CTNNA3: variants seen among roughly 807,000 people sequenced by gnomAD.
CTNNA3 encodes the protein catenin alpha-3.
Under a neutral mutation model 95.7 loss-of-function variants are expected in CTNNA3, and 76 were observed. That is an observed-to-expected ratio of 0.79 (90% CI 0.66 to 0.96). The LOEUF (loss-of-function observed/expected upper bound fraction) is 0.96, where lower values mean the gene tolerates loss of function less well. CTNNA3 is among the 40% of genes least tolerant of loss of function. The pLI, the probability that CTNNA3 is intolerant of heterozygous loss-of-function variation, is 0.00. For synonymous variants in CTNNA3, 431 were observed against 374.4 expected (o/e 1.15, Z -1.74); for missense variants, 1,191 against 1,089.8 (o/e 1.09, Z -1.31).
intron 10 of CTNNA3, among the ~76,000 whole-genome samples, chr10:66,531,932 G>A (rs1046132831): frequency 2.0e-5 from 3 of 151,992 alleles, no homozygotes; most frequent in Non-Finnish European, 4.4e-5. Context: ...TTTAGAATTT[G>A]GAGTGGAAAA....
chr10:67,531,679 G>A (rs1449003298), intron 4 of CTNNA3, among the ~76,000 whole-genome samples: 1 of 152,130 alleles, frequency 6.6e-6, no homozygotes, highest in African/African-American at 2.4e-5. Context: ...AAGACTTTGG[G>A]GGAATGTTGA....
At chr10:66,788,927 C>T (rs1416335624) in intron 7 of CTNNA3, among the ~76,000 whole-genome samples, 9 of 152,150 alleles carry the variant, frequency 5.9e-5, no homozygotes, top group African/African-American at 1.9e-4. Context: ...ACAGACATGA[C>T]ATTTGGGGAT....
chr10:67,725,753 T>A (rs1434998685), intron 1 of CTNNA3, among the ~76,000 whole-genome samples: 1 of 151,552 alleles, frequency 6.6e-6, no homozygotes, highest in East Asian at 1.9e-4. Context: ...TAGAGGTTGG[T>A]TCTAGAAAAG....
At chr10:66,456,301 G>C (rs2093494748) in intron 11 of CTNNA3, among the ~76,000 whole-genome samples, 1 of 152,150 alleles carries the variant, frequency 6.6e-6, no homozygotes, top group Non-Finnish European at 1.5e-5. Context: ...TAAAGCTACT[G>C]TTATCAAGAC....
intron 17 of CTNNA3, among the ~76,000 whole-genome samples, chr10:65,958,666 C>T (rs1178483821): frequency 3.9e-5 from 6 of 152,086 alleles, no homozygotes; most frequent in Admixed American, 2.0e-4. Context: ...CACTCCAGAC[C>T]CAGTTTGCCT....
intron 14 of CTNNA3, among the ~76,000 whole-genome samples, chr10:66,083,240 T>G (rs1026160104): frequency 3.3e-5 from 5 of 152,186 alleles, no homozygotes; most frequent in African/African-American, 1.2e-4. Context: ...CTACCCAATC[T>G]TAATACTAGA....
chr10:66,799,320 T>A (rs1157409776), intron 7 of CTNNA3, among the ~76,000 whole-genome samples: 1 of 151,546 alleles, frequency 6.6e-6, no homozygotes, highest in East Asian at 1.9e-4. Context: ...GGACAAGGAC[T>A]TCAAAAGAGC....
intron 7 of CTNNA3, among the ~76,000 whole-genome samples, chr10:67,125,012 A>G (rs1288784725): frequency 6.6e-6 from 1 of 152,230 alleles, no homozygotes; most frequent in Non-Finnish European, 1.5e-5. Context: ...TCTGTAATCA[A>G]TGACCAGAGC....
At chr10:66,965,704 T>C (rs188388066) in intron 7 of CTNNA3, among the ~76,000 whole-genome samples, 4 of 152,160 alleles carry the variant, frequency 2.6e-5, no homozygotes, top group African/African-American at 9.6e-5. Flanking sequence ...AGCCTTTCCC[T>C]GAATTTTTCT....
chr10:66,679,563 G>T (rs1469705433), intron 9 of CTNNA3, among the ~76,000 whole-genome samples: 1 of 152,192 alleles, frequency 6.6e-6, no homozygotes, highest in East Asian at 1.9e-4. Flanking sequence ...GATTACTTCA[G>T]CATGCCTTGC....
Position 66,539,818 on chromosome 10 carries a change from G to T in CTNNA3, c.1375-19045C>A, listed in dbSNP as rs115742221. 3.6e-3 allele frequency among the ~76,000 whole-genome samples: 552 copies of T among 152,140 alleles called. 6 individuals are homozygous for T. The highest frequency in any genetic ancestry group is 0.013 in the African/African-American group (539 of 41,504). On this transcript the variant is annotated intron_variant, in intron 10 of 17. Transcript: ENST00000433211. Reference sequence around the variant, plus strand: ...GCTTGTTAGACATGCAGAATCTCAGGTTCTACCCCAGACCTACTGAATCAG... The same window carrying T: ...GCTTGTTAGACATGCAGAATCTCAGTTTCTACCCCAGACCTACTGAATCAG...
At chr10:66,709,487 AT>A (rs1282098606) in intron 9 of CTNNA3, among the ~76,000 whole-genome samples, 25 of 151,452 alleles carry the variant, frequency 1.7e-4, no homozygotes, top group African/African-American at 6.0e-4. Flanking sequence ...GAGCTGCCAA[AT>A]GGCTAAGGTT....
chr10:67,328,712 T>C (rs1841658155), intron 5 of CTNNA3, among the ~76,000 whole-genome samples: 1 of 152,196 alleles, frequency 6.6e-6, no homozygotes, highest in Non-Finnish European at 1.5e-5. Context: ...TTCTGCGTCT[T>C]CCCTCTGTCC....
intron 7 of CTNNA3, among the ~76,000 whole-genome samples, chr10:66,956,995 G>T (rs905748487): frequency 7.2e-5 from 11 of 152,158 alleles, no homozygotes; most frequent in Non-Finnish European, 1.5e-4. Context: ...TAAAACCATG[G>T]AATGTAGAAG....
At chr10:66,567,007 A>G (rs1488558905) in intron 10 of CTNNA3, among the ~76,000 whole-genome samples, 3 of 85,742 alleles carry the variant, frequency 3.5e-5, no homozygotes, top group Non-Finnish European at 8.8e-5. Flanking sequence ...GGGGAGAGAG[A>G]GGAAGTGGGA....
intron 9 of CTNNA3, among the ~76,000 whole-genome samples, chr10:66,711,114 A>G (rs890636319): frequency 2.6e-5 from 4 of 152,092 alleles, no homozygotes; most frequent in African/African-American, 9.7e-5. Context: ...GTGAGTGAAC[A>G]TAATCCTATT....
chr10:67,068,306 G>C (rs992095859), intron 7 of CTNNA3, among the ~76,000 whole-genome samples: 4 of 152,150 alleles, frequency 2.6e-5, no homozygotes, highest in Admixed American at 1.3e-4. Context: ...CATATAGATG[G>C]TGACACTATT....
chr10:66,120,138 T>C (rs1355701130), intron 13 of CTNNA3, among the ~76,000 whole-genome samples: 2 of 152,170 alleles, frequency 1.3e-5, no homozygotes, highest in African/African-American at 4.8e-5. Flanking sequence ...TCTAAGATGG[T>C]AGTGTAGAAG....
At chr10:67,692,802 G>A (rs1483668038) in intron 1 of CTNNA3, among the ~76,000 whole-genome samples, 1 of 150,146 alleles carries the variant, frequency 6.7e-6, no homozygotes. Flanking sequence ...TTACTTTCAG[G>A]CACAAGCCTC....
Sources: allele counts gnomAD v4.1 joint callset (sites outside exome capture counted in the v4.1 genomes callset), GRCh38; gene constraint gnomAD v4.1.1; transcripts MANE v1.5; gene names NCBI Gene and HGNC (gene_info 2026-07-23, HGNC 2026-07-21).